The following NPR3 variants were observed in gnomAD, a reference collection of about 807,000 sequenced individuals.
NPR3 encodes atrial natriuretic peptide receptor 3.
A neutral mutation model predicts 54.5 loss-of-function variants in NPR3; 34 were observed. The ratio of observed to expected loss-of-function variants is 0.62; its 90% CI spans 0.47 to 0.83. NPR3 has a LOEUF of 0.83. Among genes scored for constraint, NPR3 ranks in the 40% least tolerant of loss-of-function variants. NPR3 has a pLI of 0.00. For missense variants in NPR3, 674 were observed against 720.8 expected, an observed-to-expected ratio of 0.94 and a Z score of 0.74; for synonymous variants, 289 against 297.1, an observed-to-expected ratio of 0.97 and a Z score of 0.28.
chr5:32,694,678 T>C (rs140102271), intron 1 of NPR3, among the ~76,000 whole-genome samples: 1 of 152,292 alleles, frequency 6.6e-6, no homozygotes, highest in Admixed American at 6.5e-5. Flanking sequence ...ACCTCAAGCA[T>C]TTATCCCTTT....
chr5:32,731,792 G>A (rs2111918824), intron 2 of NPR3, among the ~76,000 whole-genome samples: 1 of 152,192 alleles, frequency 6.6e-6, no homozygotes, highest in Non-Finnish European at 1.5e-5. Flanking sequence ...TAACCAAGAC[G>A]TCCAGTTGTA....
chr5:32,767,508 G>T (rs1180024766), intron 3 of NPR3, among the ~76,000 whole-genome samples: 1 of 152,180 alleles, frequency 6.6e-6, no homozygotes, highest in South Asian at 2.1e-4. Context: ...GCTTGACTTT[G>T]TTTAATTTAG....
chr5:32,719,789 T>G (rs1171413825), intron 1 of NPR3, among the ~76,000 whole-genome samples: 3 of 35,016 alleles, frequency 8.6e-5, no homozygotes, highest in Non-Finnish European at 3.1e-4. Context: ...GTTGTTGTTG[T>G]TTTTTTTTTT....
At chr5:32,736,043 C>T (rs1440973755) in intron 2 of NPR3, among the ~76,000 whole-genome samples, 1 of 151,832 alleles carries the variant, frequency 6.6e-6, no homozygotes, top group Non-Finnish European at 1.5e-5. Flanking sequence ...CCAGCCTGGC[C>T]AACATAGTGA....
At position 32,786,200 on chromosome 5, in the gene NPR3, G is replaced by T. The variant is rs756093798; in HGVS notation, c.1515-34G>T. 1.1e-5 allele frequency: 10 copies of T among 883,960 alleles called. No individual in the cohort carries two copies. The South Asian group carries it at 1.6e-4, about 14-fold the overall frequency. The allele number at this position is 883,960 out of a possible 1,614,324, so 54.8% of individuals were successfully genotyped here. ...AGAAACCATGGTATTTTGTAGCCAA[G>T]TTTTATTACCACATTCACTTTCCCT... On this transcript the variant is annotated intron_variant, in intron 7 of 7. Transcript: ENST00000265074.
intron 2 of NPR3, among the ~76,000 whole-genome samples, chr5:32,732,740 G>A (rs1739529627): frequency 1.3e-5 from 2 of 152,152 alleles, no homozygotes; most frequent in Non-Finnish European, 2.9e-5. Flanking sequence ...TTCATGAAAA[G>A]TTGTTCAACA....
chr5:32,754,347 G>GTT (rs144883985), intron 3 of NPR3, among the ~76,000 whole-genome samples: 79 of 149,892 alleles, frequency 5.3e-4, no homozygotes, highest in South Asian at 1.5e-3. Context: ...ATTGTAAAGG[G>GTT]TTTTTTTTTT....
intron 3 of NPR3, among the ~76,000 whole-genome samples, chr5:32,764,797 A>G (rs928664279): frequency 7.3e-6 from 1 of 137,188 alleles, no homozygotes; most frequent in African/African-American, 2.7e-5. Flanking sequence ...TCAAAAAAAA[A>G]AAAAAAAAAA....
intron 4 of NPR3, among the ~76,000 whole-genome samples, chr5:32,775,886 GA>G (rs1163739729): frequency 6.6e-6 from 1 of 152,054 alleles, no homozygotes; most frequent in Admixed American, 6.5e-5. Flanking sequence ...GGAACTATAG[GA>G]AAACAACAAA....
At chr5:32,754,276 G>T (rs573248640) in intron 3 of NPR3, among the ~76,000 whole-genome samples, 2 of 152,130 alleles carry the variant, frequency 1.3e-5, no homozygotes, top group African/African-American at 2.4e-5. Flanking sequence ...GTGTGCCAGA[G>T]ACTTTAATTT....
intron 3 of NPR3, among the ~76,000 whole-genome samples, chr5:32,743,775 G>T (rs1740151697): frequency 6.6e-6 from 1 of 152,032 alleles, no homozygotes; most frequent in Admixed American, 6.6e-5. Flanking sequence ...CTCAGCTTGG[G>T]TGCTACATGT....
chr5:32,772,867 A>G (rs976544008), intron 3 of NPR3, among the ~76,000 whole-genome samples: 1 of 152,194 alleles, frequency 6.6e-6, no homozygotes, highest in Non-Finnish European at 1.5e-5. Flanking sequence ...CACAACTAGG[A>G]AGTGGCAGAA....
At chr5:32,752,211 A>T (rs530796781) in intron 3 of NPR3, among the ~76,000 whole-genome samples, 1 of 57,884 alleles carries the variant, frequency 1.7e-5, no homozygotes, top group South Asian at 5.0e-4. Flanking sequence ...CCACCTCCAA[A>T]AACAAAAACA....
At chr5:32,749,535 T>C (rs1333730864) in intron 3 of NPR3, among the ~76,000 whole-genome samples, 1 of 152,172 alleles carries the variant, frequency 6.6e-6, no homozygotes, top group Non-Finnish European at 1.5e-5. Flanking sequence ...TATAGGGTAA[T>C]AATGTATCAA....
chr5:32,780,782 T>C lies in NPR3; in HGVS notation c.1256T>C (p.Ile419Thr), dbSNP rs752621730. 6.3e-7 allele frequency: 1 copy of C among 1,598,948 alleles called. No homozygotes were observed. Among genetic ancestry groups the C allele is most frequent in the East Asian group, 2.2e-5 (1 of 44,812 alleles). Residue 419 changes from isoleucine (I) to threonine (T), a missense_variant, in exon 5 of 8, where the codon ATT becomes ACT. Coordinates refer to ENST00000265074, the MANE Select transcript of NPR3 (RefSeq NM_001204375.2). The part of the protein sequence containing the change: ...NGDRYGDFSV[I>T]AMTDVEAGTQ... ...GACCGATATGGGGATTTCTCTGTGA[T>C]TGCCATGACTGATGTGGAGGCGGGC... is the stretch of plus-strand genomic sequence containing the variant.
intron 1 of NPR3, among the ~76,000 whole-genome samples, chr5:32,722,571 AG>A (rs1561084597): frequency 6.6e-6 from 1 of 152,234 alleles, no homozygotes; most frequent in Non-Finnish European, 1.5e-5. Flanking sequence ...ACTGAGAGCC[AG>A]ACCCTGGACT....
At chr5:32,724,353 C>T (rs149228994) in intron 1 of NPR3, among the ~76,000 whole-genome samples, 132 of 152,252 alleles carry the variant, frequency 8.7e-4, no homozygotes, top group African/African-American at 2.6e-3. Context: ...TTTTAAAGAG[C>T]GTAGGCCGAT....
intron 1 of NPR3, among the ~76,000 whole-genome samples, chr5:32,693,754 G>T (rs138733956): frequency 3.6e-4 from 55 of 152,254 alleles, no homozygotes; most frequent in African/African-American, 1.3e-3. Context: ...TGTTTCAAAG[G>T]TTTCTTGAGT....
At position 32,712,375 on chromosome 5, in the gene NPR3, C is replaced by T. The variant is rs777669936; in HGVS notation, c.599C>T (p.Ala200Val). ...ALFRHHHWSR[A>V]ALVYSDDKLE... ...TTCCGCCACCACCACTGGAGCCGCG[C>T]TGCACTGGTCTACAGCGACGACAAG... The change falls in exon 1 of 8, where the codon GCT becomes GTT. Residue 200 changes from alanine to valine, a missense_variant. By Grantham distance (64) the Ala-to-Val change is moderately conservative. Transcript: ENST00000265074. 2 of 1,613,040 alleles carry T rather than the reference C, an allele frequency of 1.2e-6. No homozygotes were observed. Among genetic ancestry groups the T allele is most frequent in the Admixed American group, 1.7e-5 (1 of 59,958 alleles).
Sources: allele counts gnomAD v4.1 joint callset (sites outside exome capture counted in the v4.1 genomes callset), GRCh38; gene constraint gnomAD v4.1.1; transcripts MANE v1.5; gene names NCBI Gene and HGNC (gene_info 2026-07-23, HGNC 2026-07-21).